Variants in RNF220 observed in about 807,000 individuals in gnomAD.
The protein encoded by RNF220 is ring finger protein 220.
In RNF220, 7 loss-of-function variants were observed where a neutral mutation model predicts 67.1. That is an observed-to-expected ratio of 0.10 (90% CI 0.06 to 0.20). The LOEUF is 0.20. Ranked by LOEUF, RNF220 falls within the 10% of genes least tolerant of loss-of-function variation. The pLI, the probability that RNF220 is intolerant of heterozygous loss-of-function variation, is 1.00. For synonymous variants in RNF220, 270 were observed against 283.2 expected (o/e 0.95, Z 0.47); for missense variants, 565 against 740.3 (o/e 0.76, Z 2.75).
intron 5 of RNF220, chr1:44,626,770 GGCTCAT>G (rs1334129595): frequency 3.1e-5 from 6 of 196,684 alleles, no homozygotes; most frequent in Non-Finnish European, 6.3e-5. Flanking sequence ...CGGGTGCAGT[GGCTCAT>G]GCCTGTAATC....
chr1:44,487,139 A>C (rs1656378641), intron 2 of RNF220, among the ~76,000 whole-genome samples: 1 of 151,972 alleles, frequency 6.6e-6, no homozygotes, highest in African/African-American at 2.4e-5. Flanking sequence ...GCTCGAGACC[A>C]GCCTGGCCAA....
chr1:44,548,144 G>A lies in RNF220; in HGVS notation c.626-66021G>A, dbSNP rs115871300. On this transcript the variant is annotated intron_variant, in intron 2 of 14. Coordinates refer to ENST00000361799, the MANE Select transcript of RNF220 (RefSeq NM_018150.4). ...CACGAAATCCTGTGGATTCCTTATC[G>A]TCCCTTATATATGTCCCCTTATCTC... Among the ~76,000 whole-genome samples the A allele has an allele frequency of 9.7e-3, 1,477 of 151,980 alleles. 23 individuals are homozygous for A. The highest frequency in any genetic ancestry group is 0.035 in the African/African-American group (1,431 of 41,420).
At chr1:44,438,481 T>C (rs1557926469) in intron 2 of RNF220, among the ~76,000 whole-genome samples, 1 of 152,226 alleles carries the variant, frequency 6.6e-6, no homozygotes, top group African/African-American at 2.4e-5. Flanking sequence ...TTAAGTAAAA[T>C]TGGTACTCTG....
Position 44,477,088 on chromosome 1 carries a change from A to T in RNF220, c.625+64366A>T, listed in dbSNP as rs138503757. Among the ~76,000 whole-genome samples, 41 of 152,334 alleles carry T rather than the reference A, an allele frequency of 2.7e-4. 1 individual carries two copies. In the East Asian group the frequency reaches 7.9e-3, roughly 29 times the overall value. Reference sequence around the variant, plus strand: ...AAATAAGAGGAATGGAAAGAAATTGAATTACATTTTCTAAAGCTGCTCAAA... The same window carrying T: ...AAATAAGAGGAATGGAAAGAAATTGTATTACATTTTCTAAAGCTGCTCAAA... On this transcript the variant is annotated intron_variant, in intron 2 of 14. Coordinates refer to ENST00000361799, the MANE Select transcript of RNF220 (RefSeq NM_018150.4).
At chr1:44,409,937 C>T (rs765546267) in intron 1 of RNF220, among the ~76,000 whole-genome samples, 2 of 152,176 alleles carry the variant, frequency 1.3e-5, no homozygotes, top group African/African-American at 2.4e-5. Context: ...TGGAGACCAA[C>T]GCCCACGCAA....
intron 3 of RNF220, among the ~76,000 whole-genome samples, chr1:44,616,287 C>T (rs939455514): frequency 3.3e-5 from 5 of 152,182 alleles, no homozygotes; most frequent in Admixed American, 3.3e-4. Flanking sequence ...AGAAGCTCTA[C>T]CCATTGAAGG....
chr1:44,560,718 C>T (rs1558044585), intron 2 of RNF220, among the ~76,000 whole-genome samples: 1 of 152,160 alleles, frequency 6.6e-6, no homozygotes, highest in East Asian at 1.9e-4. Context: ...TATGCCACCA[C>T]ACCCAGATAA....
chr1:44,436,480 C>G (rs1650987236), intron 2 of RNF220, among the ~76,000 whole-genome samples: 1 of 152,070 alleles, frequency 6.6e-6, no homozygotes. Context: ...CAACTGCTAG[C>G]ACAAAGGCCA....
rs772370821 is a variant in RNF220 at position 44,624,973 on chromosome 1, G to A, written c.805-1324G>A. On this transcript the variant is annotated intron_variant, in intron 4 of 14. Coordinates refer to ENST00000361799, the MANE Select transcript of RNF220 (RefSeq NM_018150.4). This position sits in a 1 kb window ranked among gnomAD's most constrained non-coding sequence, Gnocchi z 4.2. ...AGCACCAGTGACCTTTTTTTATTCCGCTTGCCCCAGGTGTAATGCCGAGGC... is the reference window on the plus strand; with the variant it reads ...AGCACCAGTGACCTTTTTTTATTCCACTTGCCCCAGGTGTAATGCCGAGGC... 2.0e-5 allele frequency among the ~76,000 whole-genome samples: 3 copies of A among 150,806 alleles called. No individual in the cohort carries two copies. The highest frequency in any genetic ancestry group is 6.6e-5 in the Admixed American group (1 of 15,150).
At chr1:44,511,676 T>C (rs1030101884) in intron 2 of RNF220, among the ~76,000 whole-genome samples, 6 of 152,214 alleles carry the variant, frequency 3.9e-5, no homozygotes, top group Non-Finnish European at 5.9e-5. Context: ...AGGCTAGTGT[T>C]CTGGGAACAT....
At chr1:44,631,029 G>A (rs544095680) in intron 5 of RNF220, among the ~76,000 whole-genome samples, 3 of 152,334 alleles carry the variant, frequency 2.0e-5, no homozygotes, top group Admixed American at 1.3e-4. Context: ...TCGAGAGCTC[G>A]TAAGATTATG....
chr1:44,562,971 C>A (rs1663699319), intron 2 of RNF220, among the ~76,000 whole-genome samples: 1 of 152,184 alleles, frequency 6.6e-6, no homozygotes, highest in Admixed American at 6.5e-5. Flanking sequence ...CTTGGGGGAG[C>A]TGTGGACCTG....
rs150600406 is a variant in RNF220 at position 44,556,805 on chromosome 1, A to C, written c.626-57360A>C. On this transcript the variant is annotated intron_variant, in intron 2 of 14. Transcript: ENST00000361799. ...CAATCTCCTGACCTTGTGATCCACC[A>C]GCCTCGGCCTCCCAAAGTTCTGGGA... Among the ~76,000 whole-genome samples the C allele has an allele frequency of 7.0e-3, 1,062 of 152,078 alleles. 14 individuals carry two copies. Among genetic ancestry groups the C allele is most frequent in the African/African-American group, 0.025 (1,031 of 41,472 alleles).
chr1:44,490,754 A>G (rs752582426), intron 2 of RNF220, among the ~76,000 whole-genome samples: 5 of 152,110 alleles, frequency 3.3e-5, no homozygotes, highest in Non-Finnish European at 7.4e-5. Flanking sequence ...TAAATAAATG[A>G]AATATAGAAT....
At position 44,412,259 on chromosome 1, in the gene RNF220, T is replaced by C. The variant is rs1398748944; in HGVS notation, c.162T>C (p.Val54=). Residue 54 remains valine (V), a synonymous_variant, in exon 2 of 15, where the codon GTT becomes GTC. Coordinates refer to ENST00000361799, the MANE Select transcript of RNF220 (RefSeq NM_018150.4). The surrounding 1 kb of genome is among the most constrained non-coding windows in gnomAD (Gnocchi z 5.3). ...QPRPFGVPVS[V]DKDVHIPFTN... ...GACCCTTTGGTGTACCTGTCTCAGT[T>C]GACAAGGACGTGCATATTCCTTTCA... The C allele has an allele frequency of 6.2e-7, 1 of 1,614,228 alleles. No homozygotes were observed. The highest frequency in any genetic ancestry group is 1.1e-5 in the South Asian group (1 of 91,090).
At chr1:44,487,922 T>C (rs976584209) in intron 2 of RNF220, among the ~76,000 whole-genome samples, 2 of 150,364 alleles carry the variant, frequency 1.3e-5, no homozygotes, top group Admixed American at 1.3e-4. Context: ...ACTAGGGACC[T>C]GCTCACTTTA....
chr1:44,559,079 G>A (rs1663350059), intron 2 of RNF220, among the ~76,000 whole-genome samples: 1 of 152,236 alleles, frequency 6.6e-6, no homozygotes, highest in Admixed American at 6.5e-5. Flanking sequence ...CTAGCCCAAT[G>A]CGCAACACAT....
chr1:44,628,763 G>C (rs2148464719), intron 5 of RNF220, among the ~76,000 whole-genome samples: 1 of 152,172 alleles, frequency 6.6e-6, no homozygotes. Context: ...TCTTCTAACA[G>C]AACTGTTTTA....
intron 2 of RNF220, among the ~76,000 whole-genome samples, chr1:44,535,128 GCTT>G (rs199790680): frequency 1.5e-4 from 22 of 142,108 alleles, no homozygotes; most frequent in African/African-American, 5.1e-4. Context: ...TCAGGAGGCA[GCTT>G]CTTCTTTTTT....
Sources: allele counts gnomAD v4.1 joint callset (sites outside exome capture counted in the v4.1 genomes callset), GRCh38; gene constraint gnomAD v4.1.1; non-coding constraint Gnocchi (gnomAD v3.1); transcripts MANE v1.5; gene names NCBI Gene and HGNC (gene_info 2026-07-23, HGNC 2026-07-21).